Variants in PCNX1 observed in about 807,000 individuals in gnomAD.
The protein encoded by PCNX1 is pecanex 1, also known as pecanex-like protein 1.
In PCNX1, 78 loss-of-function variants were observed where a neutral mutation model predicts 242.2. The ratio of observed to expected loss-of-function variants is 0.32; its 90% CI spans 0.27 to 0.39. The LOEUF (loss-of-function observed/expected upper bound fraction) is 0.39, where lower values mean the gene tolerates loss of function less well. PCNX1 is among the 10% of genes least tolerant of loss of function. PCNX1 has a pLI of 1.00. For missense variants in PCNX1, 2,581 were observed against 2,856.5 expected, an observed-to-expected ratio of 0.90 and a Z score of 2.20; for synonymous variants, 1,024 against 1,032.9, an observed-to-expected ratio of 0.99 and a Z score of 0.17.
At chr14:71,071,226 C>T (rs1030771840) in intron 26 of PCNX1, among the ~76,000 whole-genome samples, 1 of 152,222 alleles carries the variant, frequency 6.6e-6, no homozygotes, top group Non-Finnish European at 1.5e-5. Context: ...CCAGACCACT[C>T]AAACATTCTC....
intron 8 of PCNX1, among the ~76,000 whole-genome samples, chr14:71,000,497 C>T (rs1216702757): frequency 6.7e-6 from 1 of 149,612 alleles, no homozygotes; most frequent in Admixed American, 6.7e-5. Context: ...GCAGTCTGAA[C>T]ATTTACTCAT....
intron 1 of PCNX1, among the ~76,000 whole-genome samples, chr14:70,926,944 T>A (rs2056616435): frequency 6.6e-6 from 1 of 152,076 alleles, no homozygotes; most frequent in Non-Finnish European, 1.5e-5. Context: ...GACAGTATAG[T>A]TTAGTGCTTA....
chr14:71,035,929 C>CTT, intron 18 of PCNX1, 136 bp from the exon 19 acceptor site: 110 of 475,868 alleles, frequency 2.3e-4, no homozygotes, highest in South Asian at 4.8e-4. Flanking sequence ...ATGAAAACTT[C>CTT]TTTTTTTTTT....
At chr14:71,099,605 C>G (rs1262319180) in intron 30 of PCNX1, among the ~76,000 whole-genome samples, 5 of 152,102 alleles carry the variant, frequency 3.3e-5, no homozygotes. Context: ...TCCAATTGGC[C>G]AAGTGTCAAA....
rs139819692 is a variant in PCNX1, at chr14:70,927,436, A to C, written c.153+19433A>C. 3.1e-3 allele frequency among the ~76,000 whole-genome samples: 468 copies of C among 152,294 alleles called. 4 individuals are homozygous for C. The highest frequency in any genetic ancestry group is 0.011 in the African/African-American group (449 of 41,542). On this transcript the variant is annotated intron_variant, in intron 1 of 35. Transcript: ENST00000304743. ...GTAGAAATGGATTATACAGCATGCAATAGTATCATTCTGTTTCAAGCAAAT... is the reference window on the plus strand; with the variant it reads ...GTAGAAATGGATTATACAGCATGCACTAGTATCATTCTGTTTCAAGCAAAT...
chr14:71,072,986 TA>T (rs2061622006), intron 26 of PCNX1, among the ~76,000 whole-genome samples: 1 of 152,206 alleles, frequency 6.6e-6, no homozygotes, highest in Admixed American at 6.5e-5. Flanking sequence ...AAGTCAAAAT[TA>T]AAGTTACTTT....
intron 8 of PCNX1, among the ~76,000 whole-genome samples, chr14:71,008,129 G>C (rs2059717650): frequency 6.6e-6 from 1 of 152,012 alleles, no homozygotes; most frequent in Non-Finnish European, 1.5e-5. Context: ...TCCATAGAAT[G>C]TACTTAAATA....
intron 1 of PCNX1, among the ~76,000 whole-genome samples, chr14:70,909,935 C>G (rs1594861075): frequency 6.6e-6 from 1 of 151,824 alleles, no homozygotes; most frequent in Non-Finnish European, 1.5e-5. Context: ...TCAGTACATG[C>G]GGTTAGCATG....
rs77386095 is a variant in PCNX1, at chr14:70,944,507, T to C, written c.154-2408T>C. Among the ~76,000 whole-genome samples, 1,294 of 152,340 alleles carry C rather than the reference T, an allele frequency of 8.5e-3. 24 individuals are homozygous for C. The highest frequency in any genetic ancestry group is 0.029 in the African/African-American group (1,221 of 41,566). On this transcript the variant is annotated intron_variant, in intron 1 of 35. Coordinates refer to ENST00000304743, the MANE Select transcript of PCNX1 (RefSeq NM_014982.3). ...GTACCTAGGAAGTAACTAATTTGCT[T>C]TTGATTTTACAGGCTTATAGGTGGA...
intron 24 of PCNX1, among the ~76,000 whole-genome samples, chr14:71,054,702 G>A (rs1232851373): frequency 6.6e-6 from 1 of 152,130 alleles, no homozygotes; most frequent in Non-Finnish European, 1.5e-5. Flanking sequence ...ACAAATACTT[G>A]CCCTCATGAC....
chr14:70,907,561 G>C lies in PCNX1; in HGVS notation c.-290G>C, dbSNP rs539581558. On this transcript the variant is annotated 5_prime_UTR_variant, in exon 1 of 36. Coordinates refer to ENST00000304743, the MANE Select transcript of PCNX1 (RefSeq NM_014982.3). Reference sequence around the variant, plus strand: ...GTGGCGGGGGCCGGGCCGCGGCTCCGGGTGTTAGGAGACAAGATGGCGGCG... The same window carrying C: ...GTGGCGGGGGCCGGGCCGCGGCTCCCGGTGTTAGGAGACAAGATGGCGGCG... 4.1e-4 allele frequency: 70 copies of C among 171,800 alleles called. No homozygotes were observed. Among genetic ancestry groups the C allele is most frequent in the African/African-American group, 1.6e-3 (65 of 41,796 alleles). 10.6% of individuals were successfully genotyped at this position (171,800 alleles called of 1,614,324 possible).
intron 23 of PCNX1, 57 bp from the exon 24 acceptor site, chr14:71,051,826 T>C: frequency 3.2e-6 from 5 of 1,563,728 alleles, no homozygotes; most frequent in Middle Eastern, 1.7e-4. Flanking sequence ...TTTGCGAGGG[T>C]TTGTTTGGCA....
At chr14:71,074,750 G>T (rs2061669699) in intron 27 of PCNX1, among the ~76,000 whole-genome samples, 1 of 152,084 alleles carries the variant, frequency 6.6e-6, no homozygotes, top group Non-Finnish European at 1.5e-5. Context: ...TAACGGGAAG[G>T]GCATCCCAAG....
chr14:71,070,308 G>C (rs192720688), intron 26 of PCNX1, among the ~76,000 whole-genome samples: 33 of 152,194 alleles, frequency 2.2e-4, no homozygotes, highest in African/African-American at 7.5e-4. Context: ...TCCTATTAGT[G>C]TTGACATTTT....
chr14:70,917,761 C>A (rs896363954), intron 1 of PCNX1, among the ~76,000 whole-genome samples: 3 of 152,172 alleles, frequency 2.0e-5, no homozygotes, highest in Non-Finnish European at 2.9e-5. Context: ...AAAGAGTCAG[C>A]CTGTCTTTTG....
chr14:70,978,273 A>G lies in PCNX1; in HGVS notation c.1936A>G (p.Lys646Glu), dbSNP rs770198480. The G allele has an allele frequency of 1.9e-6, 3 of 1,614,168 alleles. No individual in the cohort carries two copies. The highest frequency in any genetic ancestry group is 1.1e-5 in the South Asian group (1 of 91,086). Residue 646 changes from lysine to glutamate, a missense_variant, in exon 6 of 36, where the codon AAA becomes GAA. Transcript: ENST00000304743. ...PEGRYSALKT[K>E]HTHKERGTDS... ...GGGCAGATACAGTGCTCTAAAGACCAAACACACTCATAAAGAAAGGGGCAC... is the reference window on the plus strand; with the variant it reads ...GGGCAGATACAGTGCTCTAAAGACCGAACACACTCATAAAGAAAGGGGCAC...
chr14:70,974,274 C>T (rs1407063420), intron 5 of PCNX1, among the ~76,000 whole-genome samples: 5 of 137,996 alleles, frequency 3.6e-5, no homozygotes, highest in African/African-American at 8.2e-5. Flanking sequence ...GAGGGAGTCT[C>T]GCTCTGTTGC....
chr14:70,978,520 G>A lies in PCNX1; in HGVS notation c.2183G>A (p.Gly728Glu), dbSNP rs774288490. The change falls in exon 6 of 36, where the codon GGA (glycine) becomes GAA (glutamate). Residue 728 changes from glycine (G) to glutamate (E), a missense_variant. By Grantham distance (98) the Gly-to-Glu change is moderately conservative. This residue lies in a region of PCNX1 where 1,204 missense variants were observed against 1,216.7 expected (regional missense o/e 0.99). Transcript: ENST00000304743. ...TSKSDLEAKE[G>E]EVLDELSLLG... ...AAATCAGATCTTGAGGCCAAAGAGG[G>A]AGAGGTGCTAGATGAGCTATCTTTA... 1.2e-6 allele frequency: 2 copies of A among 1,614,170 alleles called. No homozygotes were observed. Among genetic ancestry groups the A allele is most frequent in the South Asian group, 1.1e-5 (1 of 91,080 alleles).
chr14:70,938,240 CCATT>C (rs2057089024), intron 1 of PCNX1, among the ~76,000 whole-genome samples: 1 of 152,008 alleles, frequency 6.6e-6, no homozygotes, highest in East Asian at 1.9e-4. Context: ...CAGTTTTTGC[CCATT>C]CAGTATGATT....
Sources: gnomAD v4.1 joint callset for allele counts (sites outside exome capture counted in the v4.1 genomes callset) on GRCh38, gnomAD v4.1.1 for gene constraint, gnomAD v4.1.1 regional missense constraint, MANE v1.5 for transcripts, NCBI Gene and HGNC (gene_info 2026-07-23, HGNC 2026-07-21) for gene names.